TRPM3: variants seen among roughly 807,000 people sequenced by gnomAD.
The protein encoded by TRPM3 is long transient receptor potential channel 3.
Under a neutral mutation model 181.2 loss-of-function variants are expected in TRPM3, and 77 were observed. The ratio of observed to expected loss-of-function variants is 0.42; its 90% CI spans 0.35 to 0.51. The LOEUF (loss-of-function observed/expected upper bound fraction) is 0.51, where lower values mean the gene tolerates loss of function less well. TRPM3 is among the 20% of genes least tolerant of loss of function. TRPM3 has a pLI of 0.01. For synonymous variants in TRPM3, 745 were observed against 796.4 expected, an observed-to-expected ratio of 0.94 and a Z score of 1.09; for missense variants, 1,759 against 2,196.7, an observed-to-expected ratio of 0.80 and a Z score of 3.98.
intron 1 of TRPM3, among the ~76,000 whole-genome samples, chr9:71,268,755 G>A (rs1399275953): frequency 6.6e-6 from 1 of 152,138 alleles, no homozygotes; most frequent in Non-Finnish European, 1.5e-5. Context: ...CCAGGGAACG[G>A]AGGTTGCAGT....
upstream of TRPM3, among the ~76,000 whole-genome samples, chr9:71,124,207 C>T (rs749975425): frequency 1.3e-5 from 2 of 151,376 alleles, no homozygotes; most frequent in Admixed American, 6.6e-5. Context: ...GCTATCAAAA[C>T]ATCTAAAGAA....
intron 1 of TRPM3, among the ~76,000 whole-genome samples, chr9:71,228,636 T>C (rs2080849611): frequency 1.3e-5 from 2 of 152,086 alleles, no homozygotes; most frequent in Admixed American, 6.6e-5. Flanking sequence ...GGATACAGAA[T>C]CAACATACAA....
chr9:70,537,156 G>C lies in TRPM3; in HGVS notation c.3957C>G (p.Asn1319Lys). The change falls in exon 26 of 26, where the codon AAC becomes AAG. Residue 1319 changes from asparagine to lysine, a missense_variant. By Grantham distance (94) the Asn-to-Lys change is moderately conservative. Around this residue, in one of 8 missense-constraint regions of TRPM3, gnomAD observed 612 missense variants for 590.0 expected, o/e 1.04. Transcript: ENST00000677713. ...CTATACTCTCTTGGAGCTTGAAGGTGTTCCCTTCCTGGCTGTTGAAGCTGC... is the reference window on the plus strand; with the variant it reads ...CTATACTCTCTTGGAGCTTGAAGGTCTTCCCTTCCTGGCTGTTGAAGCTGC... The part of the protein sequence containing the change: ...RQSSFNSQEG[N>K]TFKLQESIDP... 6.3e-7 allele frequency: 1 copy of C among 1,589,244 alleles called. No individual in the cohort carries two copies. Among genetic ancestry groups the C allele is most frequent in the East Asian group, 2.3e-5 (1 of 44,256 alleles).
chr9:71,410,621 C>T (rs1032069383), intron 1 of TRPM3, among the ~76,000 whole-genome samples: 1 of 152,080 alleles, frequency 6.6e-6, no homozygotes, highest in Non-Finnish European at 1.5e-5. Flanking sequence ...AATTAATAGC[C>T]TACCAACCAA....
intron 8 of TRPM3, among the ~76,000 whole-genome samples, chr9:70,745,021 T>C (rs992354635): frequency 6.6e-6 from 1 of 152,170 alleles, no homozygotes; most frequent in Non-Finnish European, 1.5e-5. Flanking sequence ...CTCAGCAAGG[T>C]TGATTTTTGT....
chr9:70,884,184 T>C (rs2096048747), intron 1 of TRPM3, among the ~76,000 whole-genome samples: 1 of 152,182 alleles, frequency 6.6e-6, no homozygotes, highest in South Asian at 2.1e-4. Context: ...AGGGACAGTA[T>C]CCAAAAGTAA....
chr9:70,576,602 C>A (rs2054069855), intron 22 of TRPM3, among the ~76,000 whole-genome samples: 1 of 151,674 alleles, frequency 6.6e-6, no homozygotes, highest in Admixed American at 6.6e-5. Flanking sequence ...GCAACCTCTG[C>A]CTCCTGGATT....
chr9:70,889,937 T>A (rs1205883380), intron 1 of TRPM3, among the ~76,000 whole-genome samples: 1 of 148,470 alleles, frequency 6.7e-6, no homozygotes, highest in Non-Finnish European at 1.5e-5. Context: ...GTAGTATATA[T>A]GCTATATACT....
chr9:71,420,151 G>A (rs1243650665), intron 1 of TRPM3, among the ~76,000 whole-genome samples: 1 of 151,882 alleles, frequency 6.6e-6, no homozygotes, highest in African/African-American at 2.4e-5. Flanking sequence ...TCTTCATAAG[G>A]GGAGGAGAAT....
At chr9:71,415,748 C>A (rs2093627524) in intron 1 of TRPM3, among the ~76,000 whole-genome samples, 1 of 151,930 alleles carries the variant, frequency 6.6e-6, no homozygotes, top group Non-Finnish European at 1.5e-5. Context: ...CCTGGATGAG[C>A]ATTTAAGAGA....
chr9:70,587,782 G>A (rs911155205), intron 22 of TRPM3, among the ~76,000 whole-genome samples: 5 of 152,284 alleles, frequency 3.3e-5, no homozygotes, highest in Admixed American at 6.5e-5. Context: ...TTGGTTCTTG[G>A]AGAGCTAGGA....
intron 8 of TRPM3, among the ~76,000 whole-genome samples, chr9:70,689,727 CTA>C (rs1315198642): frequency 6.6e-6 from 1 of 151,816 alleles, no homozygotes; most frequent in Non-Finnish European, 1.5e-5. Context: ...AACTTTGGTT[CTA>C]TATAGTTTAA....
intron 21 of TRPM3, among the ~76,000 whole-genome samples, chr9:70,593,908 A>G (rs1444687569): frequency 2.0e-5 from 3 of 147,482 alleles, no homozygotes; most frequent in Admixed American, 1.4e-4. Context: ...TATGCATTGT[A>G]TAATATACAT....
At chr9:70,924,735 G>A (rs1257480673) in intron 1 of TRPM3, among the ~76,000 whole-genome samples, 3 of 152,030 alleles carry the variant, frequency 2.0e-5, no homozygotes, top group East Asian at 1.9e-4. Context: ...ACACTAATAC[G>A]TAAGCCTTAT....
At chr9:71,121,630 C>T (rs2073658485), upstream of TRPM3, 1 of 1,193,970 alleles carries the variant, frequency 8.4e-7, no homozygotes, top group Non-Finnish European at 1.0e-6. Flanking sequence ...ATGCGCGCTC[C>T]CTCTCCCGCT....
chr9:71,276,406 T>C (rs925790712), intron 1 of TRPM3, among the ~76,000 whole-genome samples: 14 of 152,130 alleles, frequency 9.2e-5, no homozygotes, highest in African/African-American at 3.4e-4. Context: ...AGTAAAAATT[T>C]AAGCTATAAA....
At chr9:70,538,535 C>T (rs116032551) in intron 25 of TRPM3, among the ~76,000 whole-genome samples, 2,861 of 152,250 alleles carry the variant, frequency 0.019, 81 homozygotes, top group African/African-American at 0.063. Context: ...CTCAAGCGAT[C>T]CTCCTGGCTC....
intron 1 of TRPM3, among the ~76,000 whole-genome samples, chr9:71,346,228 G>A (rs939926137): frequency 6.6e-6 from 1 of 152,116 alleles, no homozygotes; most frequent in Admixed American, 6.6e-5. Context: ...ATAAAACAAG[G>A]ATGAATCGTT....
chr9:70,608,672 C>A (rs1226854819), intron 19 of TRPM3, among the ~76,000 whole-genome samples: 1 of 152,072 alleles, frequency 6.6e-6, no homozygotes, highest in African/African-American at 2.4e-5. Flanking sequence ...CCCATCTCTA[C>A]TAAAAATACA....
Sources: allele counts gnomAD v4.1 joint callset (sites outside exome capture counted in the v4.1 genomes callset), GRCh38; gene constraint gnomAD v4.1.1; regional missense constraint gnomAD v4.1.1; transcripts MANE v1.5; gene names NCBI Gene and HGNC (gene_info 2026-07-23, HGNC 2026-07-21).